BTG4: variants seen among roughly 807,000 people sequenced by gnomAD.
BTG4 encodes BTG anti-proliferation factor 4.
BTG4 carries 10 observed loss-of-function variants against 19.3 expected under a neutral mutation model. The observed-to-expected ratio is 0.52, with a 90% CI of 0.32 to 0.88. BTG4 has a LOEUF of 0.88. BTG4 is among the 40% of genes least tolerant of loss of function. The pLI, the probability that BTG4 is intolerant of heterozygous loss-of-function variation, is 0.04. For missense variants in BTG4, 238 were observed against 281.9 expected (o/e 0.84, Z 1.11); for synonymous variants, 91 against 95.7 (o/e 0.95, Z 0.29).
downstream of BTG4, among the ~76,000 whole-genome samples, chr11:111,492,542 T>C (rs1865485749): frequency 6.6e-6 from 1 of 152,190 alleles, no homozygotes; most frequent in African/African-American, 2.4e-5. Flanking sequence ...GATTATATAT[T>C]AGGCAAGCAT....
rs758468135 is a variant in BTG4 at position 111,498,650 on chromosome 11, T to C, written c.127A>G (p.Arg43Gly). Residue 43 changes from arginine (R) to glycine (G), a missense_variant, in exon 2 of 5, where the codon AGA becomes GGA. Arg to Gly is a moderately radical substitution (Grantham distance 125). Transcript: ENST00000692032. ...KLMTILFETY[R>G]SHWHSDCPSK... Reference sequence around the variant, plus strand: ...GGGCAATCAGAGTGCCAGTGACTTCTGTATGTTTCAAACAAGATCGTCATC... The same window carrying C: ...GGGCAATCAGAGTGCCAGTGACTTCCGTATGTTTCAAACAAGATCGTCATC... 1 of 1,613,918 alleles carries C rather than the reference T, an allele frequency of 6.2e-7. No individual in the cohort carries two copies. Among genetic ancestry groups the C allele is most frequent in the Non-Finnish European group, 8.5e-7 (1 of 1,179,896 alleles).
intron 1 of BTG4, among the ~76,000 whole-genome samples, chr11:111,501,250 G>A (rs1395592992): frequency 6.6e-6 from 1 of 152,086 alleles, no homozygotes; most frequent in African/African-American, 2.4e-5. Flanking sequence ...TGTAGCCCTA[G>A]CTACTCGAAA....
chr11:111,464,590 C>T (rs1437049899), downstream of BTG4: 1 of 152,274 alleles, frequency 6.6e-6, no homozygotes, highest in African/African-American at 2.4e-5. Flanking sequence ...CTTCACCATT[C>T]TTCTCCATCC....
the BTG4 span, among the ~76,000 whole-genome samples, chr11:111,428,613 G>A: frequency 0.34 from 51,205 of 152,036 alleles, 8,673 homozygotes; most frequent in African/African-American, 0.36. Flanking sequence ...TCTAGCCCAG[G>A]GGACCTGAGC....
the BTG4 span, among the ~76,000 whole-genome samples, chr11:111,410,171 C>T: frequency 3.4e-5 from 5 of 147,050 alleles, no homozygotes; most frequent in African/African-American, 1.2e-4. Flanking sequence ...GTCTATGGGC[C>T]TTTCTGAAAC....
intron 5 of BTG4, chr11:111,473,563 A>G (rs184331563): frequency 2.8e-4 from 42 of 152,326 alleles, no homozygotes; most frequent in African/African-American, 9.6e-4. Context: ...GGTATGAATA[A>G]GTGGCATCAC....
the BTG4 span, among the ~76,000 whole-genome samples, chr11:111,401,862 GTGAA>G: frequency 3.9e-5 from 6 of 152,256 alleles, no homozygotes; most frequent in South Asian, 1.2e-3. Context: ...TATGTGTTGA[GTGAA>G]TGAATGAATG....
chr11:111,430,905 G>A, the BTG4 span, among the ~76,000 whole-genome samples: 1 of 152,144 alleles, frequency 6.6e-6, no homozygotes, highest in Admixed American at 6.5e-5. Context: ...CACATACGGA[G>A]CTAATATTGC....
At chr11:111,478,746 A>C (rs143566767) in intron 5 of BTG4, among the ~76,000 whole-genome samples, 1 of 152,268 alleles carries the variant, frequency 6.6e-6, no homozygotes, top group African/African-American at 2.4e-5. Flanking sequence ...TAGGCTCAAC[A>C]GTAAAACGGA....
chr11:111,514,721 G>A (rs866703844), upstream of BTG4: 1 of 1,341,846 alleles, frequency 7.5e-7, no homozygotes, highest in Non-Finnish European at 1.0e-6. Flanking sequence ...GGTTCTCGGA[G>A]GGGCGGGGCA....
chr11:111,413,835 A>G, the BTG4 span, among the ~76,000 whole-genome samples: 2 of 152,238 alleles, frequency 1.3e-5, no homozygotes, highest in African/African-American at 4.8e-5. Context: ...ATGTCTTCCA[A>G]GAAGGTACAA....
chr11:111,413,858 G>A, the BTG4 span, among the ~76,000 whole-genome samples: 2 of 152,170 alleles, frequency 1.3e-5, no homozygotes, highest in African/African-American at 2.4e-5. Flanking sequence ...AGAGCCTTCC[G>A]GGAACATGGC....
chr11:111,405,404 C>A, the BTG4 span, among the ~76,000 whole-genome samples: 3 of 53,016 alleles, frequency 5.7e-5, no homozygotes, highest in Non-Finnish European at 9.3e-5. Context: ...GACTCCGTCT[C>A]AAAAAAAAAA....
intron 1 of BTG4, among the ~76,000 whole-genome samples, chr11:111,499,702 G>T (rs188457726): frequency 6.6e-6 from 1 of 152,120 alleles, no homozygotes; most frequent in African/African-American, 2.4e-5. Flanking sequence ...ACAACTTTGA[G>T]CAGTCATTAT....
chr11:111,387,278 C>T, the BTG4 span, among the ~76,000 whole-genome samples: 7 of 152,346 alleles, frequency 4.6e-5, no homozygotes, highest in East Asian at 1.3e-3. Context: ...CAAACCACCT[C>T]TCATCTTCTC....
the BTG4 span, among the ~76,000 whole-genome samples, chr11:111,428,213 T>C: frequency 6.6e-6 from 1 of 152,112 alleles, no homozygotes; most frequent in African/African-American, 2.4e-5. Flanking sequence ...AATACTGGTC[T>C]TCTAGACTGT....
the BTG4 span, among the ~76,000 whole-genome samples, chr11:111,458,720 C>T: frequency 6.6e-6 from 1 of 152,010 alleles, no homozygotes; most frequent in African/African-American, 2.4e-5. Context: ...AGCCCTGATA[C>T]AAGGAAAGGC....
At chr11:111,441,101 G>C in the BTG4 span, among the ~76,000 whole-genome samples, 1 of 146,582 alleles carries the variant, frequency 6.8e-6, no homozygotes, top group Non-Finnish European at 1.5e-5. Flanking sequence ...CAGGGCCAGA[G>C]ACCGCTCTCT....
the BTG4 span, chr11:111,455,468 T>TCACCAACTCAAGCTCCTTCGC: frequency 8.6e-6 from 2 of 232,560 alleles, no homozygotes; most frequent in Non-Finnish European, 1.8e-5. Flanking sequence ...CCAGCCTTCG[T>TCACCAACTCAAGCTCCTTCGC]CACCAACTCA....
Sources: gnomAD v4.1 joint callset for allele counts (sites outside exome capture counted in the v4.1 genomes callset) on GRCh38, gnomAD v4.1.1 for gene constraint, MANE v1.5 for transcripts, NCBI Gene and HGNC (gene_info 2026-07-23, HGNC 2026-07-21) for gene names.